NRXN3: variants seen among roughly 807,000 people sequenced by gnomAD.
NRXN3 encodes neurexin 3, also known as neurexin III.
NRXN3 carries 32 observed loss-of-function variants against 137.6 expected under a neutral mutation model. The observed-to-expected ratio is 0.23, with a 90% confidence interval of 0.18 to 0.31. The LOEUF is 0.31. Ranked by LOEUF, NRXN3 falls within the 10% of genes least tolerant of loss-of-function variation. NRXN3 has a pLI of 1.00. For missense variants in NRXN3, 1,574 were observed against 2,062.5 expected, an observed-to-expected ratio of 0.76 and a Z score of 4.59; for synonymous variants, 798 against 784.5, an observed-to-expected ratio of 1.02 and a Z score of -0.29.
chr14:78,371,493 T>A (rs553094046), intron 4 of NRXN3, among the ~76,000 whole-genome samples: 32 of 152,330 alleles, frequency 2.1e-4, no homozygotes, highest in Non-Finnish European at 4.4e-4. Flanking sequence ...TGGACAAGAA[T>A]TCAGGATGCC....
intron 8 of NRXN3, among the ~76,000 whole-genome samples, chr14:78,802,539 T>TA (rs879815829): frequency 4.6e-5 from 7 of 152,114 alleles, no homozygotes; most frequent in African/African-American, 1.2e-4. Context: ...ATAATAATAA[T>TA]AAAAAAAGTC....
chr14:78,314,889 CTTTCTCTTTCTT>C (rs1286747956), intron 4 of NRXN3, among the ~76,000 whole-genome samples: 1 of 80,226 alleles, frequency 1.2e-5, no homozygotes, highest in African/African-American at 5.7e-5. Flanking sequence ...TTCTTTCTTT[CTTTCTCTTTCTT>C]TCTTTCTTTC....
intron 15 of NRXN3, among the ~76,000 whole-genome samples, chr14:79,215,193 C>T (rs534583324): frequency 1.2e-4 from 18 of 152,252 alleles, no homozygotes; most frequent in African/African-American, 4.1e-4. Context: ...GTTATTGTCA[C>T]TTTCCTAAAG....
intron 4 of NRXN3, among the ~76,000 whole-genome samples, chr14:78,492,588 A>G (rs2095688999): frequency 6.6e-6 from 1 of 152,204 alleles, no homozygotes; most frequent in African/African-American, 2.4e-5. Flanking sequence ...TGACATATAA[A>G]TGGGTGTTCA....
At chr14:79,042,821 A>G (rs1396059960) in intron 15 of NRXN3, among the ~76,000 whole-genome samples, 1 of 152,134 alleles carries the variant, frequency 6.6e-6, no homozygotes, top group Non-Finnish European at 1.5e-5. Context: ...GTAAATTGGT[A>G]TGGCCTGTCC....
chr14:79,278,739 T>C (rs1017266265), intron 15 of NRXN3, among the ~76,000 whole-genome samples: 8 of 152,168 alleles, frequency 5.3e-5, no homozygotes, highest in African/African-American at 1.9e-4. Context: ...CACGGAGCCC[T>C]TCACCCTTTG....
chr14:79,427,690 G>A (rs1264051781), intron 15 of NRXN3, among the ~76,000 whole-genome samples: 2 of 152,006 alleles, frequency 1.3e-5, no homozygotes, highest in African/African-American at 4.8e-5. Context: ...AAATTGGTCG[G>A]GAGTGGTGGC....
At chr14:79,746,415 T>C (rs2098979915) in intron 19 of NRXN3, among the ~76,000 whole-genome samples, 1 of 152,114 alleles carries the variant, frequency 6.6e-6, no homozygotes, top group African/African-American at 2.4e-5. Flanking sequence ...TGTGAAAGAA[T>C]TCTTTTTGTA....
intron 15 of NRXN3, among the ~76,000 whole-genome samples, chr14:79,071,302 T>A (rs929156832): frequency 1.3e-5 from 2 of 152,120 alleles, no homozygotes; most frequent in Non-Finnish European, 2.9e-5. Flanking sequence ...GTTACATAGG[T>A]ATACATGTGC....
chr14:78,556,572 T>G (rs937018208), intron 4 of NRXN3, among the ~76,000 whole-genome samples: 1 of 152,196 alleles, frequency 6.6e-6, no homozygotes, highest in Non-Finnish European at 1.5e-5. Context: ...ACTAAAAATT[T>G]AAATTAAGGC....
At chr14:79,827,538 T>A (rs1359660867) in intron 20 of NRXN3, among the ~76,000 whole-genome samples, 1 of 152,064 alleles carries the variant, frequency 6.6e-6, no homozygotes, top group East Asian at 1.9e-4. Flanking sequence ...AGAAAAGACG[T>A]TTAATTCGCT....
At chr14:78,213,256 T>C (rs949144219) in intron 1 of NRXN3, among the ~76,000 whole-genome samples, 15 of 139,592 alleles carry the variant, frequency 1.1e-4, no homozygotes, top group Admixed American at 1.0e-3. Flanking sequence ...CTTAGTCCTC[T>C]TAGGAAGACT....
intron 11 of NRXN3, among the ~76,000 whole-genome samples, chr14:78,959,969 A>G (rs2099404968): frequency 6.6e-6 from 1 of 152,210 alleles, no homozygotes; most frequent in South Asian, 2.1e-4. Context: ...ATAGTCATAA[A>G]GAACTACAGA....
chr14:79,037,041 C>A lies in NRXN3; in HGVS notation c.3262+48900C>A, dbSNP rs141065380. Reference sequence around the variant, plus strand: ...ATTCCTAATTTCTTGTTAAATGGGACCATATTTGTTTATAATTCACCTGGG... The same window carrying A: ...ATTCCTAATTTCTTGTTAAATGGGAACATATTTGTTTATAATTCACCTGGG... On this transcript the variant is annotated intron_variant, in intron 15 of 20. Transcript: ENST00000335750. Among the ~76,000 whole-genome samples the A allele has an allele frequency of 7.9e-5, 12 of 152,036 alleles. No homozygotes were observed. In the Middle Eastern group the frequency reaches 0.014, roughly 172 times the overall value.
At chr14:78,679,027 T>C (rs2098043129) in intron 6 of NRXN3, among the ~76,000 whole-genome samples, 1 of 152,030 alleles carries the variant, frequency 6.6e-6, no homozygotes, top group Admixed American at 6.6e-5. Flanking sequence ...AGGGCCATAC[T>C]CTCCTTCAGA....
At chr14:78,601,507 C>T (rs1342347281) in intron 4 of NRXN3, among the ~76,000 whole-genome samples, 3 of 151,152 alleles carry the variant, frequency 2.0e-5, no homozygotes, top group African/African-American at 7.3e-5. Context: ...GGCTGGAGTG[C>T]AGTGGCATGA....
At chr14:78,745,605 G>T (rs10142370) in intron 8 of NRXN3, among the ~76,000 whole-genome samples, 1 of 151,864 alleles carries the variant, frequency 6.6e-6, no homozygotes, top group African/African-American at 2.4e-5. Flanking sequence ...GGTCCTTTGC[G>T]TTTGCCTCTT....
intron 10 of NRXN3, among the ~76,000 whole-genome samples, chr14:78,938,247 G>A (rs1007666475): frequency 8.5e-5 from 13 of 152,170 alleles, no homozygotes; most frequent in Non-Finnish European, 4.4e-5. Flanking sequence ...GTTTGTCCAA[G>A]GTCACACAGC....
chr14:78,416,045 G>A (rs576794720), intron 4 of NRXN3, among the ~76,000 whole-genome samples: 1 of 152,266 alleles, frequency 6.6e-6, no homozygotes, highest in Admixed American at 6.5e-5. Context: ...AATTCTATAA[G>A]TAAAGCAAGT....
Sources: allele counts gnomAD v4.1 joint callset (sites outside exome capture counted in the v4.1 genomes callset), GRCh38; gene constraint gnomAD v4.1.1; transcripts MANE v1.5; gene names NCBI Gene and HGNC (gene_info 2026-07-23, HGNC 2026-07-21).